The following CHID1 variants were observed in gnomAD, a reference collection of about 807,000 sequenced individuals.
The protein encoded by CHID1 is chitinase domain containing 1, also known as chitinase domain-containing protein 1.
Under a neutral mutation model 55.4 loss-of-function variants are expected in CHID1, and 44 were observed. The observed-to-expected ratio is 0.79, with a 90% CI of 0.62 to 1.02. CHID1 has a LOEUF of 1.02. Ranked by LOEUF, CHID1 falls within the 50% of genes least tolerant of loss-of-function variation. CHID1 has a pLI of 0.00. For missense variants in CHID1, 491 were observed against 515.3 expected (o/e 0.95, Z 0.46); for synonymous variants, 216 against 212.9 (o/e 1.01, Z -0.13).
In CHID1 at chr11:883,234, C is replaced by T. The variant is rs1310933713; in HGVS notation, c.873G>A (p.Trp291Ter). 14 of 1,614,080 alleles carry T rather than the reference C, an allele frequency of 8.7e-6. No individual in the cohort carries two copies. Among genetic ancestry groups the T allele is most frequent in the African/African-American group, 2.7e-5 (2 of 74,958 alleles). ...CVQVLDPKSK[W>*]RSKILLGLNF... The stretch of plus-strand genomic sequence containing the variant: ...TGAGCCCCAGGAGGATTTTGCTTCG[C>T]CACTTGGACTTCGGGTCCAGGACCT... Residue 291 changes from tryptophan to a stop codon, truncating the protein, a stop_gained, in exon 10 of 13, where the codon TGG becomes TGA. Coordinates refer to ENST00000323578, the MANE Select transcript of CHID1 (RefSeq NM_023947.4). LOFTEE classifies it high-confidence loss of function.
Position 877,596 on chromosome 11 carries a change from C to T in CHID1, c.959+5552G>A, listed in dbSNP as rs116612889. On this transcript the variant is annotated intron_variant, in intron 10 of 12. Transcript: ENST00000323578. The stretch of plus-strand genomic sequence containing the variant: ...CCAGGCTCTTGTGCAGTGAGTGAGC[C>T]CTAACTCATCACCCTCAGATGGTGT... Among the ~76,000 whole-genome samples, 306 of 152,326 alleles carry T rather than the reference C, an allele frequency of 2.0e-3. 2 individuals are homozygous for T. The highest frequency in any genetic ancestry group is 7.1e-3 in the African/African-American group (296 of 41,572).
At chr11:883,504 C>T (rs1167537809) in intron 9 of CHID1, among the ~76,000 whole-genome samples, 20 of 152,184 alleles carry the variant, frequency 1.3e-4, no homozygotes, top group African/African-American at 4.8e-4. Context: ...GGGCCAGGAT[C>T]ACCCATCAGA....
Position 870,966 on chromosome 11 carries a change from G to A in CHID1, c.960-467C>T, listed in dbSNP as rs79402863. On this transcript the variant is annotated intron_variant, in intron 10 of 12. Coordinates refer to ENST00000323578, the MANE Select transcript of CHID1 (RefSeq NM_023947.4). ...GCAGTGCCTTGTACTGGGGATGGCTGCCCGGGGCAGTGGTTTCTGCACCTT... is the reference window on the plus strand; with the variant it reads ...GCAGTGCCTTGTACTGGGGATGGCTACCCGGGGCAGTGGTTTCTGCACCTT... Among the ~76,000 whole-genome samples, 54 of 150,734 alleles carry A rather than the reference G, an allele frequency of 3.6e-4. No individual in the cohort carries two copies. The East Asian group carries it at 7.5e-3, about 21-fold the overall frequency.
intron 10 of CHID1, among the ~76,000 whole-genome samples, chr11:876,097 G>C (rs534326678): frequency 1.3e-5 from 2 of 152,304 alleles, no homozygotes; most frequent in African/African-American, 2.4e-5. Context: ...GGCGAGAACA[G>C]AGGGTGAGGA....
At chr11:887,325 G>C (rs998097777) in intron 8 of CHID1, among the ~76,000 whole-genome samples, 1 of 152,192 alleles carries the variant, frequency 6.6e-6, no homozygotes, top group Non-Finnish European at 1.5e-5. Context: ...TCCACACGCA[G>C]CCCGTCGTTG....
intron 10 of CHID1, among the ~76,000 whole-genome samples, chr11:874,055 C>T (rs755200621): frequency 6.6e-6 from 1 of 152,114 alleles, no homozygotes; most frequent in Non-Finnish European, 1.5e-5. Context: ...CGTCACCCCA[C>T]GGAGACCAGC....
intron 8 of CHID1, among the ~76,000 whole-genome samples, chr11:890,745 T>C (rs1850749302): frequency 6.6e-6 from 1 of 152,138 alleles, no homozygotes; most frequent in African/African-American, 2.4e-5. Flanking sequence ...GTCTCCTCCA[T>C]TGCTGAGACT....
intron 7 of CHID1, among the ~76,000 whole-genome samples, chr11:894,057 G>A (rs937904263): frequency 2.0e-5 from 3 of 149,670 alleles, no homozygotes; most frequent in African/African-American, 4.9e-5. Flanking sequence ...AGGAGGTGGA[G>A]GTTGCAGTGA....
At chr11:890,004 G>A (rs1411038383) in intron 8 of CHID1, among the ~76,000 whole-genome samples, 1 of 151,090 alleles carries the variant, frequency 6.6e-6, no homozygotes, top group East Asian at 1.9e-4. Flanking sequence ...CTGCTCTACT[G>A]TTCTCAGCCT....
chr11:903,076 AC>A lies in CHID1; in HGVS notation c.146del (p.Gly49ValfsTer4). On this transcript the variant is annotated frameshift_variant, in exon 3 of 13. Coordinates refer to ENST00000323578, the MANE Select transcript of CHID1 (RefSeq NM_023947.4). LOFTEE classifies it high-confidence loss of function. ...CAGCTTTGAGGTCCGTCACCACCAA[AC>A]CCCGGTCTTGCACCGGCTTATCTGA... Reference protein sequence around the residue: ...QFSDKPVQDRGLVVTDLKAES... With the variant: ...QFSDKPVQDRXLVVTDLKAES... The A allele has an allele frequency of 6.2e-7, 1 of 1,612,836 alleles. No homozygotes were observed. The highest frequency in any genetic ancestry group is 8.5e-7 in the Non-Finnish European group (1 of 1,179,936).
At chr11:884,258 G>C in intron 8 of CHID1, 89 bp from the exon 9 acceptor site, 1 of 939,732 alleles carries the variant, frequency 1.1e-6, no homozygotes, top group Non-Finnish European at 1.6e-6. Flanking sequence ...GCCTGTAGGG[G>C]ACTTGGGTCA....
chr11:871,709 A>C (rs1008954285), intron 10 of CHID1, among the ~76,000 whole-genome samples: 14 of 152,228 alleles, frequency 9.2e-5, no homozygotes, highest in Non-Finnish European at 2.9e-5. Flanking sequence ...GAGGACAGGC[A>C]GTAGGCAACT....
chr11:896,108 C>CCTCCACCCCAGATGTGTGG (rs1851261027), intron 7 of CHID1, among the ~76,000 whole-genome samples: 1 of 141,710 alleles, frequency 7.1e-6, no homozygotes, highest in African/African-American at 2.8e-5. Context: ...ACACAACGAG[C>CCTCCACCCCAGATGTGTGG]CTGTCTCAGT....
intron 1 of CHID1, among the ~76,000 whole-genome samples, chr11:905,070 C>G (rs1190910390): frequency 6.6e-6 from 1 of 152,194 alleles, no homozygotes; most frequent in East Asian, 1.9e-4. Flanking sequence ...GACTGAGCCA[C>G]TGGTTCCTCC....
chr11:869,769 A>C lies in CHID1; in HGVS notation c.*89T>G. ...AGGACTGCAGCAGACCCGTCACAGC[A>C]AACGGAGTGGAGGCCTGTATTTCAC... is the stretch of plus-strand genomic sequence containing the variant. On this transcript the variant is annotated 3_prime_UTR_variant, in exon 13 of 13. Transcript: ENST00000323578. The C allele has an allele frequency of 8.4e-7, 1 of 1,186,766 alleles. No individual in the cohort carries two copies. Among genetic ancestry groups the C allele is most frequent in the Non-Finnish European group, 1.3e-6 (1 of 797,642 alleles). The allele number at this position is 1,186,766 out of a possible 1,614,324, so 73.5% of individuals were successfully genotyped here.
chr11:898,524 G>C (rs569974132), intron 7 of CHID1, among the ~76,000 whole-genome samples: 1 of 152,246 alleles, frequency 6.6e-6, no homozygotes, highest in Non-Finnish European at 1.5e-5. Flanking sequence ...TGTCGAGGAC[G>C]CCCCCTACCA....
chr11:870,751 G>A lies in CHID1; in HGVS notation c.960-252C>T. The A allele has an allele frequency of 6.4e-6, 3 of 467,472 alleles. No individual in the cohort carries two copies. The South Asian group carries it at 7.5e-5, about 12-fold the overall frequency. 29.0% of individuals were successfully genotyped at this position (467,472 alleles called of 1,614,324 possible). A position where few individuals can be genotyped will look rare whatever the true frequency, so the allele number is the denominator to read the frequency against. On this transcript the variant is annotated intron_variant, in intron 10 of 12. Coordinates refer to ENST00000323578, the MANE Select transcript of CHID1 (RefSeq NM_023947.4). ...GAAGCCACCCCACCAAGTCCTTTCA[G>A]TGGCCTGGAGAGTGACACGGGGCCT... is the stretch of plus-strand genomic sequence containing the variant.
intron 10 of CHID1, among the ~76,000 whole-genome samples, chr11:878,764 C>T (rs529716776): frequency 5.3e-5 from 8 of 151,282 alleles, no homozygotes; most frequent in East Asian, 2.0e-4. Context: ...TGCAATGGCG[C>T]GATCTCCACT....
chr11:900,867 C>A, intron 5 of CHID1, 69 bp downstream of exon 5: 1 of 1,340,386 alleles, frequency 7.5e-7, no homozygotes, highest in Non-Finnish European at 1.0e-6. Context: ...CGTGGAGACC[C>A]CAGTGCCCAC....
Sources: allele counts gnomAD v4.1 joint callset (sites outside exome capture counted in the v4.1 genomes callset), GRCh38; gene constraint gnomAD v4.1.1; transcripts MANE v1.5; gene names NCBI Gene and HGNC (gene_info 2026-07-23, HGNC 2026-07-21).